Variants in SPATA13 observed in about 807,000 individuals in gnomAD.
The protein encoded by SPATA13 is spermatogenesis-associated protein 13.
In SPATA13, 50 loss-of-function variants were observed where a neutral mutation model predicts 104.0. The observed-to-expected ratio is 0.48, with a 90% CI of 0.38 to 0.61. SPATA13 has a LOEUF of 0.61. SPATA13 is among the 20% of genes least tolerant of loss of function. The pLI, the probability that SPATA13 is intolerant of heterozygous loss-of-function variation, is 0.00. For synonymous variants in SPATA13, 606 were observed against 667.5 expected (o/e 0.91, Z 1.42); for missense variants, 1,524 against 1,690.6 (o/e 0.90, Z 1.73).
Position 24,224,298 on chromosome 13 carries a change from C to A in SPATA13, c.1369C>A (p.Pro457Thr), listed in dbSNP as rs948999262. The A allele has an allele frequency of 5.2e-6, 8 of 1,551,610 alleles. No homozygotes were observed. The Admixed American group carries it at 5.9e-5, about 11-fold the overall frequency. The change falls in exon 2 of 13, where the codon CCT becomes ACT. Residue 457 changes from proline (P) to threonine (T), a missense_variant. Around this residue, in one of 2 missense-constraint regions of SPATA13, gnomAD observed 1,089 missense variants for 1,135.9 expected, o/e 0.96. Coordinates refer to ENST00000382108, the MANE Select transcript of SPATA13 (RefSeq NM_001166271.3). Reference sequence around the variant, plus strand: ...CGCTGGCAGCCAGTTGACATTTGACCCTGAGCAGCCTCCCACCCCTCTAAG... The same window carrying A: ...CGCTGGCAGCCAGTTGACATTTGACACTGAGCAGCCTCCCACCCCTCTAAG... ...PNAGSQLTFD[P>T]EQPPTPLRPT...
At chr13:24,076,156 A>G (rs1344303342) in intron 3 of SPATA13, among the ~76,000 whole-genome samples, 1 of 152,204 alleles carries the variant, frequency 6.6e-6, no homozygotes, top group East Asian at 1.9e-4. Flanking sequence ...TTGACTGAGA[A>G]GTTCTTAGAA....
At chr13:24,111,693 G>A (rs763706341) in intron 3 of SPATA13, among the ~76,000 whole-genome samples, 2 of 152,156 alleles carry the variant, frequency 1.3e-5, no homozygotes, top group African/African-American at 2.4e-5. Flanking sequence ...GACATGAGCC[G>A]CCATGCCCGG....
At chr13:24,047,173 A>C (rs1329473916) in intron 3 of SPATA13, among the ~76,000 whole-genome samples, 1 of 152,194 alleles carries the variant, frequency 6.6e-6, no homozygotes, top group African/African-American at 2.4e-5. Context: ...GCAGTCATTC[A>C]TTTGCCAGAA....
chr13:23,980,377 C>T (rs1874828145), intron 1 of SPATA13, among the ~76,000 whole-genome samples: 2 of 152,174 alleles, frequency 1.3e-5, no homozygotes, highest in Non-Finnish European at 2.9e-5. Context: ...CCGAAATCTC[C>T]CGGTGCTCAG....
chr13:24,214,963 A>T (rs1308357282), intron 1 of SPATA13, among the ~76,000 whole-genome samples: 2 of 152,222 alleles, frequency 1.3e-5, no homozygotes. Context: ...TATTTAAAAC[A>T]TTATTAAGCT....
At chr13:24,283,165 T>C (rs1050944996) in intron 4 of SPATA13, among the ~76,000 whole-genome samples, 1 of 152,198 alleles carries the variant, frequency 6.6e-6, no homozygotes, top group Non-Finnish European at 1.5e-5. Flanking sequence ...AGGAAGCCTT[T>C]CCCTGACTGG....
rs192749761 is a variant in SPATA13, at chr13:24,231,174, A to T, written c.1653+6592A>T. 6.5e-3 allele frequency among the ~76,000 whole-genome samples: 977 copies of T among 150,228 alleles called. 10 individuals carry two copies. The highest frequency in any genetic ancestry group is 0.011 in the Non-Finnish European group (727 of 68,002). ...TTAAGCGAACAATTCAGTGATTTTT[A>T]TATGTTTATGGAGCTCTGCAGCCAT... is the stretch of plus-strand genomic sequence containing the variant. On this transcript the variant is annotated intron_variant, in intron 2 of 12. Transcript: ENST00000382108.
chr13:24,064,135 C>T (rs1878869528), intron 3 of SPATA13, among the ~76,000 whole-genome samples: 1 of 152,206 alleles, frequency 6.6e-6, no homozygotes, highest in South Asian at 2.1e-4. Flanking sequence ...CCTGCCTCAT[C>T]AGGCCACTCC....
chr13:24,082,776 C>A (rs2862247), intron 3 of SPATA13, among the ~76,000 whole-genome samples: 1 of 132,606 alleles, frequency 7.5e-6, no homozygotes, highest in Non-Finnish European at 1.5e-5. Flanking sequence ...GCCGAGATTG[C>A]GCCACTGCAG....
At chr13:24,198,490 C>T (rs1332633760) in intron 1 of SPATA13, among the ~76,000 whole-genome samples, 1 of 152,162 alleles carries the variant, frequency 6.6e-6, no homozygotes, top group African/African-American at 2.4e-5. Flanking sequence ...GCCATTAAAT[C>T]CTTCAGACGC....
At chr13:24,092,601 G>C (rs190328176) in intron 3 of SPATA13, among the ~76,000 whole-genome samples, 79 of 152,260 alleles carry the variant, frequency 5.2e-4, no homozygotes, top group African/African-American at 1.9e-3. Flanking sequence ...GCCCATTTTA[G>C]GGTCTCTTAG....
At chr13:24,293,244 G>A (rs1285632331) in intron 9 of SPATA13, among the ~76,000 whole-genome samples, 1 of 149,486 alleles carries the variant, frequency 6.7e-6, no homozygotes, top group East Asian at 1.9e-4. Flanking sequence ...AAAAAAAACA[G>A]GGAAGTCAAG....
At chr13:24,279,262 G>A (rs547813195) in intron 4 of SPATA13, among the ~76,000 whole-genome samples, 2 of 152,290 alleles carry the variant, frequency 1.3e-5, no homozygotes, top group African/African-American at 4.8e-5. Flanking sequence ...ACGGAGCAGC[G>A]GCCCTGGGCA....
chr13:24,017,306 T>A (rs971273581), intron 2 of SPATA13, among the ~76,000 whole-genome samples: 4 of 152,114 alleles, frequency 2.6e-5, no homozygotes, highest in Non-Finnish European at 5.9e-5. Context: ...GTGCAGCAAG[T>A]GAGTGGTGGA....
chr13:24,259,007 A>T (rs866481212), intron 4 of SPATA13, among the ~76,000 whole-genome samples: 2 of 152,168 alleles, frequency 1.3e-5, no homozygotes, highest in Admixed American at 6.5e-5. Context: ...GACCATCCAT[A>T]TGGGTAAGCT....
chr13:24,171,002 A>T (rs563466001), intron 1 of SPATA13, among the ~76,000 whole-genome samples: 1 of 152,094 alleles, frequency 6.6e-6, no homozygotes, highest in South Asian at 2.1e-4. Context: ...GGGATTCAGA[A>T]AGAACAAGCA....
intron 1 of SPATA13, among the ~76,000 whole-genome samples, chr13:24,201,386 T>C (rs1172698088): frequency 4.6e-5 from 7 of 152,138 alleles, no homozygotes; most frequent in African/African-American, 1.7e-4. Context: ...ATATATTTCT[T>C]ACAATTGATG....
At chr13:24,024,438 C>G (rs543407214) in intron 3 of SPATA13, among the ~76,000 whole-genome samples, 6 of 150,134 alleles carry the variant, frequency 4.0e-5, no homozygotes, top group Admixed American at 4.0e-4. Flanking sequence ...GAAGAAACAC[C>G]CCTCATTCTC....
chr13:24,132,316 G>A (rs1593350086), intron 3 of SPATA13, among the ~76,000 whole-genome samples: 1 of 152,238 alleles, frequency 6.6e-6, no homozygotes, highest in African/African-American at 2.4e-5. Flanking sequence ...CCTCTATTCA[G>A]TTGAGCCATC....
Sources: allele counts gnomAD v4.1 joint callset (sites outside exome capture counted in the v4.1 genomes callset), GRCh38; gene constraint gnomAD v4.1.1; regional missense constraint gnomAD v4.1.1; transcripts MANE v1.5; gene names NCBI Gene and HGNC (gene_info 2026-07-23, HGNC 2026-07-21).